CAD: variants seen among roughly 807,000 people sequenced by gnomAD.
The protein encoded by CAD is multifunctional protein CAD.
Under a neutral mutation model 237.2 loss-of-function variants are expected in CAD, and 81 were observed. The observed-to-expected ratio is 0.34, with a 90% CI of 0.29 to 0.41. The LOEUF (loss-of-function observed/expected upper bound fraction) is 0.41, where lower values mean the gene tolerates loss of function less well. Ranked by LOEUF, CAD falls within the 10% of genes least tolerant of loss-of-function variation. The pLI is 1.00. For missense variants in CAD, 2,181 were observed against 2,951.7 expected (o/e 0.74, Z 6.05); for synonymous variants, 1,196 against 1,162.8 (o/e 1.03, Z -0.58).
Position 27,233,165 on chromosome 2 carries a change from T to TA in CAD, c.2991+26dup. 1 of 1,554,030 alleles carries TA rather than the reference T, an allele frequency of 6.4e-7. No homozygotes were observed. Among genetic ancestry groups the TA allele is most frequent in the Non-Finnish European group, 8.9e-7 (1 of 1,125,320 alleles). On this transcript the variant is annotated intron_variant, in intron 19 of 43. Coordinates refer to ENST00000264705, the MANE Select transcript of CAD (RefSeq NM_004341.5). The surrounding 1 kb of genome is among the most constrained non-coding windows in gnomAD (Gnocchi z 6.3). ...GGTGAGGGAGATGGAGGCTTCCTGG[T>TA]AGCTTGAGTGGCCAGGGTCGAGTAG...
Position 27,232,098 on chromosome 2 carries a change from T to C in CAD, c.2519T>C (p.Met840Thr), listed in dbSNP as rs1309405612. 6.2e-7 allele frequency: 1 copy of C among 1,614,130 alleles called. No individual in the cohort carries two copies. Among genetic ancestry groups the C allele is most frequent in the Non-Finnish European group, 8.5e-7 (1 of 1,180,046 alleles). The change falls in exon 17 of 44, where the codon ATG (methionine) becomes ACG (threonine). Residue 840 changes from methionine (M) to threonine (T), a missense_variant. This residue lies in a region of CAD where 385 missense variants were observed against 535.1 expected (regional missense o/e 0.72). Coordinates refer to ENST00000264705, the MANE Select transcript of CAD (RefSeq NM_004341.5). This position sits in a 1 kb window ranked among gnomAD's most constrained non-coding sequence, Gnocchi z 4.1. ...TRIDRWFLHR[M>T]KRIIAHAQLL... Reference sequence around the variant, plus strand: ...ATCGACCGCTGGTTCCTGCACCGAATGAAGCGTATCATCGCACATGCCCAG... The same window carrying C: ...ATCGACCGCTGGTTCCTGCACCGAACGAAGCGTATCATCGCACATGCCCAG...
chr2:27,222,901 G>A lies in CAD; in HGVS notation c.673G>A (p.Asp225Asn), dbSNP rs1675246893. The change falls in exon 6 of 44, where the codon GAC becomes AAC. Residue 225 changes from aspartate (D) to asparagine (N), a missense_variant. Coordinates refer to ENST00000264705, the MANE Select transcript of CAD (RefSeq NM_004341.5). ...EGLFLSNGPG[D>N]PASYPSVVST... ...TCTCTTCTTAAGTAATGGGCCTGGT[G>A]ACCCTGCCTCCTATCCCAGTGTCGT... 5 of 1,614,166 alleles carry A rather than the reference G, an allele frequency of 3.1e-6. No individual in the cohort carries two copies. Among genetic ancestry groups the A allele is most frequent in the Non-Finnish European group, 4.2e-6 (5 of 1,180,036 alleles).
rs1676395829 is a variant in CAD at position 27,242,992 on chromosome 2, G to A, written c.6480+19G>A. The A allele has an allele frequency of 6.4e-7, 1 of 1,570,840 alleles. No homozygotes were observed. Among genetic ancestry groups the A allele is most frequent in the Non-Finnish European group, 8.7e-7 (1 of 1,149,020 alleles). Reference sequence around the variant, plus strand: ...CGAAGCTGTGAGTGCTGGGCTTGAGGAAGAAGCCAGGGCTGCTGCCGTAGG... The same window carrying A: ...CGAAGCTGTGAGTGCTGGGCTTGAGAAAGAAGCCAGGGCTGCTGCCGTAGG... On this transcript the variant is annotated intron_variant, in intron 42 of 43. Coordinates refer to ENST00000264705, the MANE Select transcript of CAD (RefSeq NM_004341.5). This position sits in a 1 kb window ranked among gnomAD's most constrained non-coding sequence, Gnocchi z 6.4.
intron 2 of CAD, among the ~76,000 whole-genome samples, chr2:27,219,648 T>C (rs1195211797): frequency 6.6e-6 from 1 of 152,102 alleles, no homozygotes; most frequent in Non-Finnish European, 1.5e-5. Context: ...TGGAGTGCAA[T>C]GGGCAACCTT....
chr2:27,221,932 T>A (rs1165706928), intron 3 of CAD, among the ~76,000 whole-genome samples: 1 of 149,684 alleles, frequency 6.7e-6, no homozygotes, highest in Admixed American at 6.7e-5. Context: ...TACACTCCTG[T>A]AGTGTTACTT....
intron 6 of CAD, 38 bp from the exon 7 acceptor site, chr2:27,223,525 T>A: frequency 1.3e-6 from 2 of 1,590,376 alleles, no homozygotes; most frequent in Non-Finnish European, 1.7e-6. Flanking sequence ...GAAGAGAGGG[T>A]GAGCAGGGCC....
chr2:27,237,538 C>T lies in CAD; in HGVS notation c.4556C>T (p.Ala1519Val), dbSNP rs1188385644. The T allele has an allele frequency of 2.5e-6, 4 of 1,612,774 alleles. No individual in the cohort carries two copies. The highest frequency in any genetic ancestry group is 2.2e-5 in the South Asian group (2 of 90,988). The change falls in exon 28 of 44, where the codon GCC becomes GTC. Residue 1519 changes from alanine to valine, a missense_variant. By Grantham distance (64) the Ala-to-Val change is moderately conservative. Transcript: ENST00000264705. The surrounding 1 kb of genome is among the most constrained non-coding windows in gnomAD (Gnocchi z 4.0). ...ATTGACGCCCCTGCTCTGGCCCTGG[C>T]CCAGAAGGTGAGCCACTGCACTCTT... ...PIIDAPALAL[A>V]QKLAEAGARC...
Position 27,232,788 on chromosome 2 carries a change from G to A in CAD, c.2892+94G>A, listed in dbSNP as rs1005690147. 71 of 1,494,756 alleles carry A rather than the reference G, an allele frequency of 4.7e-5. No homozygotes were observed. Among genetic ancestry groups the A allele is most frequent in the African/African-American group, 4.3e-4 (31 of 72,474 alleles). 92.6% of individuals were successfully genotyped at this position (1,494,756 alleles called of 1,614,324 possible). On this transcript the variant is annotated intron_variant, in intron 18 of 43. Coordinates refer to ENST00000264705, the MANE Select transcript of CAD (RefSeq NM_004341.5). This position sits in a 1 kb window ranked among gnomAD's most constrained non-coding sequence, Gnocchi z 4.1. ...ATCCTGGCATTTCCTATTAATTGCC[G>A]TCCCTTACTTTGGTCATAGAGCTTT...
chr2:27,236,573 G>A lies in CAD; in HGVS notation c.4314+50G>A. ...GGGAGACTGCCAGTGTTGATGGGAA[G>A]AAGAAAGAGGGAGGAGTGAGTATGG... On this transcript the variant is annotated intron_variant, in intron 26 of 43. Transcript: ENST00000264705. The surrounding 1 kb of genome is among the most constrained non-coding windows in gnomAD (Gnocchi z 4.1). 5.0e-6 allele frequency: 8 copies of A among 1,602,420 alleles called. No individual in the cohort carries two copies. The highest frequency in any genetic ancestry group is 6.8e-6 in the Non-Finnish European group (8 of 1,175,928).
At chr2:27,223,470 T>C in intron 6 of CAD, 93 bp from the exon 7 acceptor site, 1 of 1,043,292 alleles carries the variant, frequency 9.6e-7, no homozygotes, top group Non-Finnish European at 1.4e-6. Context: ...GGAGTGAGGC[T>C]ACTGAGAACA....
At position 27,241,001 on chromosome 2, in the gene CAD, T is replaced by A; in HGVS notation, c.5638+46T>A. On this transcript the variant is annotated intron_variant, in intron 36 of 43. Coordinates refer to ENST00000264705, the MANE Select transcript of CAD (RefSeq NM_004341.5). The surrounding 1 kb of genome is among the most constrained non-coding windows in gnomAD (Gnocchi z 4.6). The stretch of plus-strand genomic sequence containing the variant: ...ACACTCACCTCGGGGACCTCTGATC[T>A]GGCCTTGGTAGGAGGAACCCTCTGA... 1 of 1,614,084 alleles carries A rather than the reference T, an allele frequency of 6.2e-7. No homozygotes were observed. The highest frequency in any genetic ancestry group is 8.5e-7 in the Non-Finnish European group (1 of 1,179,970).
Position 27,239,369 on chromosome 2 carries a change from GC to G in CAD, c.5295del (p.Phe1766SerfsTer14). 6.2e-7 allele frequency: 1 copy of G among 1,614,008 alleles called. No individual in the cohort carries two copies. Among genetic ancestry groups the G allele is most frequent in the East Asian group, 2.2e-5 (1 of 44,880 alleles). On this transcript the variant is annotated frameshift_variant, in exon 33 of 44. Coordinates refer to ENST00000264705, the MANE Select transcript of CAD (RefSeq NM_004341.5). LOFTEE classifies it high-confidence loss of function. This position sits in a 1 kb window ranked among gnomAD's most constrained non-coding sequence, Gnocchi z 4.0. ...EHEWTIPSHM[P>X]FSKAHWTPFE... ...ATGAGTGGACAATTCCCAGCCACAT[GC>G]CCTTCTCCAAGGCCCACTGGACACC...
chr2:27,219,907 C>T (rs967481738), intron 2 of CAD, among the ~76,000 whole-genome samples: 1 of 152,154 alleles, frequency 6.6e-6, no homozygotes, highest in South Asian at 2.1e-4. Context: ...TTTAAATAAT[C>T]CCAAATGAAG....
In CAD at chr2:27,235,144, A is replaced by C. The variant is rs569827903; in HGVS notation, c.3787-101A>C. The C allele has an allele frequency of 7.3e-5, 83 of 1,133,420 alleles. No individual in the cohort carries two copies. The African/African-American group carries it at 1.1e-3, about 15-fold the overall frequency. The allele number at this position is 1,133,420 out of a possible 1,614,324, so 70.2% of individuals were successfully genotyped here. A position where few individuals can be genotyped will look rare whatever the true frequency, so the allele number is the denominator to read the frequency against. ...ACAGAGAGGGCAGGCTGACCCTGCC[A>C]TTCAGATGGGATCAAGCACAGGGTA... On this transcript the variant is annotated intron_variant, in intron 23 of 43. Transcript: ENST00000264705. This position sits in a 1 kb window ranked among gnomAD's most constrained non-coding sequence, Gnocchi z 5.2.
chr2:27,229,028 C>T (rs1278128152), intron 15 of CAD, among the ~76,000 whole-genome samples: 2 of 151,144 alleles, frequency 1.3e-5, no homozygotes, highest in African/African-American at 4.9e-5. Flanking sequence ...AAGCGATTCA[C>T]CTGCCTCAGC....
rs139263367 is a variant in CAD, at chr2:27,237,480, G to A, written c.4498G>A (p.Val1500Met). The part of the protein sequence containing the change: ...AAALAGGITM[V>M]CAMPNTRPPI... ...TGCCCTGGCTGGGGGTATCACCATG[G>A]TGTGTGCCATGCCTAATACCCGGCC... The change falls in exon 28 of 44, where the codon GTG (valine) becomes ATG (methionine). Residue 1500 changes from valine (V) to methionine (M), a missense_variant. By Grantham distance (21) the Val-to-Met change is conservative (BLOSUM62 1). Transcript: ENST00000264705. This position sits in a 1 kb window ranked among gnomAD's most constrained non-coding sequence, Gnocchi z 4.0. The A allele has an allele frequency of 1.2e-4, 192 of 1,614,086 alleles. No individual in the cohort carries two copies. Among genetic ancestry groups the A allele is most frequent in the Non-Finnish European group, 1.6e-4 (186 of 1,180,048 alleles).
rs55916426 is a variant in CAD at position 27,233,506 on chromosome 2, G to A, written c.3186G>A (p.Gln1062=). 4.8e-4 allele frequency: 782 copies of A among 1,614,216 alleles called. 5 individuals are homozygous for A. Among genetic ancestry groups the A allele is most frequent in the Middle Eastern group, 3.3e-3 (20 of 6,062 alleles). ...SRLLDTIGIS[Q]PQWRELSDLE... Reference sequence around the variant, plus strand: ...TCCTTGACACCATTGGTATCAGCCAGCCTCAGTGGAGGGAGCTCAGTGACC... The same window carrying A: ...TCCTTGACACCATTGGTATCAGCCAACCTCAGTGGAGGGAGCTCAGTGACC... Residue 1062 remains glutamine (Q), a synonymous_variant, in exon 20 of 44, where the codon CAG becomes CAA. Transcript: ENST00000264705. The surrounding 1 kb of genome is among the most constrained non-coding windows in gnomAD (Gnocchi z 6.3).
intron 3 of CAD, among the ~76,000 whole-genome samples, 184 bp downstream of exon 3, chr2:27,221,531 G>A (rs957343138): frequency 1.3e-5 from 2 of 152,190 alleles, no homozygotes; most frequent in African/African-American, 4.8e-5. Flanking sequence ...ACACAGGAAG[G>A]AACTCCCACC....
intron 1 of CAD, 53 bp downstream of exon 1, chr2:27,217,686 T>G (rs956949174): frequency 2.6e-5 from 38 of 1,486,262 alleles, no homozygotes; most frequent in Middle Eastern, 3.5e-4. Context: ...GATGCGCCTC[T>G]CCTCCCAACC....
Sources: gnomAD v4.1 joint callset for allele counts (sites outside exome capture counted in the v4.1 genomes callset) on GRCh38, gnomAD v4.1.1 for gene constraint, gnomAD v4.1.1 regional missense constraint, Gnocchi (gnomAD v3.1) non-coding constraint, MANE v1.5 for transcripts, NCBI Gene and HGNC (gene_info 2026-07-23, HGNC 2026-07-21) for gene names.